HMBOX1: variants seen among roughly 807,000 people sequenced by gnomAD.
HMBOX1 encodes the protein homeobox containing 1.
In HMBOX1, 14 loss-of-function variants were observed where a neutral mutation model predicts 54.5. That is an observed-to-expected ratio of 0.26 (90% CI 0.17 to 0.40). The LOEUF is 0.40. Ranked by LOEUF, HMBOX1 falls within the 10% of genes least tolerant of loss-of-function variation. HMBOX1 has a pLI of 1.00. For synonymous variants in HMBOX1, 160 were observed against 181.0 expected (o/e 0.88, Z 0.93); for missense variants, 332 against 514.4 (o/e 0.65, Z 3.43).
Position 29,051,256 on chromosome 8 carries a change from T to G in HMBOX1, c.*101T>G. On this transcript the variant is annotated 3_prime_UTR_variant, in exon 10 of 10. Transcript: ENST00000287701. ...GTGTTCTTACAGTATAACTTGCAGT[T>G]TCTTGTATGTCAGGTAGCTGTTAGG... 1 of 1,307,764 alleles carries G rather than the reference T, an allele frequency of 7.6e-7. No homozygotes were observed. Among genetic ancestry groups the G allele is most frequent in the Non-Finnish European group, 1.1e-6 (1 of 938,242 alleles). The allele number at this position is 1,307,764 out of a possible 1,614,324, so 81.0% of individuals were successfully genotyped here.
In HMBOX1 at chr8:29,048,910, A is replaced by G. The variant is rs1439154194; in HGVS notation, c.1031-44A>G. ...TTCATTCAGTGTTTCAGCCATTGTG[A>G]TAAGGTAACAGATAATTTAGGGATC... On this transcript the variant is annotated intron_variant, in intron 8 of 9. Coordinates refer to ENST00000287701, the MANE Select transcript of HMBOX1 (RefSeq NM_001135726.3). 3.8e-6 allele frequency: 5 copies of G among 1,310,860 alleles called. No individual in the cohort carries two copies. The East Asian group carries it at 1.2e-4, about 31-fold the overall frequency. The allele number at this position is 1,310,860 out of a possible 1,614,324, so 81.2% of individuals were successfully genotyped here. A position where few individuals can be genotyped will look rare whatever the true frequency, so the allele number is the denominator to read the frequency against.
rs565628718 is a variant in HMBOX1, at chr8:28,926,535, T to C, written c.-58+35857T>C. 2.0e-5 allele frequency among the ~76,000 whole-genome samples: 3 copies of C among 152,304 alleles called. No individual in the cohort carries two copies. The South Asian group carries it at 6.2e-4, about 32-fold the overall frequency. The stretch of plus-strand genomic sequence containing the variant: ...ATCTGTAATTGACTGGAGTAAACTT[T>C]ATAAAGTAGAGCTTTTTAAATTTTT... On this transcript the variant is annotated intron_variant, in intron 1 of 9. Coordinates refer to ENST00000287701, the MANE Select transcript of HMBOX1 (RefSeq NM_001135726.3).
chr8:28,967,740 C>G (rs188985193), intron 2 of HMBOX1, among the ~76,000 whole-genome samples: 225 of 152,096 alleles, frequency 1.5e-3, no homozygotes, highest in African/African-American at 5.2e-3. Context: ...TTTTTCATTA[C>G]AAAATATTGT....
chr8:28,945,898 C>T (rs1014751803), intron 1 of HMBOX1, among the ~76,000 whole-genome samples: 1 of 148,878 alleles, frequency 6.7e-6, no homozygotes, highest in African/African-American at 2.5e-5. Context: ...AAGAATTTTA[C>T]TATATTCACA....
At chr8:29,043,021 G>T (rs557546799) in intron 6 of HMBOX1, among the ~76,000 whole-genome samples, 1 of 152,320 alleles carries the variant, frequency 6.6e-6, no homozygotes, top group South Asian at 2.1e-4. Flanking sequence ...AAGATAAAGT[G>T]TTGTCTTTCT....
intron 4 of HMBOX1, among the ~76,000 whole-genome samples, chr8:28,997,219 G>A (rs536056172): frequency 5.9e-5 from 9 of 152,228 alleles, no homozygotes; most frequent in South Asian, 2.1e-4. Flanking sequence ...TCCCCGTTAC[G>A]TATGATGTCA....
At chr8:28,973,730 T>C (rs1004867333) in intron 3 of HMBOX1, among the ~76,000 whole-genome samples, 1 of 151,120 alleles carries the variant, frequency 6.6e-6, no homozygotes, top group East Asian at 2.0e-4. Context: ...ATACACAAGA[T>C]GTAGTTTTAA....
At chr8:29,012,879 T>A (rs1294431881) in intron 5 of HMBOX1, among the ~76,000 whole-genome samples, 1 of 152,194 alleles carries the variant, frequency 6.6e-6, no homozygotes, top group Non-Finnish European at 1.5e-5. Flanking sequence ...TCAGTGATTT[T>A]TATCAAGTAA....
At chr8:28,911,396 C>G (rs1212670648) in intron 1 of HMBOX1, among the ~76,000 whole-genome samples, 1 of 152,088 alleles carries the variant, frequency 6.6e-6, no homozygotes, top group African/African-American at 2.4e-5. Context: ...CCCTCTATTG[C>G]CTAGGCTGGA....
intron 1 of HMBOX1, among the ~76,000 whole-genome samples, chr8:28,942,556 T>C: frequency 6.6e-6 from 1 of 152,194 alleles, no homozygotes; most frequent in East Asian, 1.9e-4. Context: ...ATTTCATGCA[T>C]GTGTAAAAAC....
intron 4 of HMBOX1, among the ~76,000 whole-genome samples, chr8:29,003,244 T>G (rs1212219756): frequency 1.3e-5 from 2 of 151,964 alleles, no homozygotes; most frequent in African/African-American, 2.4e-5. Flanking sequence ...TATTTATTTG[T>G]CTGCAGAAGG....
At chr8:29,018,649 T>C in intron 5 of HMBOX1, 111 bp from the exon 6 acceptor site, 1 of 1,062,848 alleles carries the variant, frequency 9.4e-7, no homozygotes, top group Non-Finnish European at 1.3e-6. Context: ...ATACATTGAT[T>C]AAGTTGTCAC....
intron 4 of HMBOX1, among the ~76,000 whole-genome samples, chr8:28,990,949 C>T (rs528226294): frequency 5.3e-5 from 8 of 152,212 alleles, no homozygotes; most frequent in South Asian, 2.1e-4. Flanking sequence ...CTGCTGTGCC[C>T]GGCTCTTTCT....
chr8:29,029,719 C>T (rs778307470), intron 6 of HMBOX1, among the ~76,000 whole-genome samples: 3 of 152,128 alleles, frequency 2.0e-5, no homozygotes, highest in Non-Finnish European at 4.4e-5. Context: ...TTACGGGAAC[C>T]GTAAAATATG....
At chr8:29,047,322 T>C in intron 7 of HMBOX1, 36 bp from the exon 8 acceptor site, 1 of 1,192,222 alleles carries the variant, frequency 8.4e-7, no homozygotes, top group African/African-American at 1.5e-5. Context: ...GGATCCCAGA[T>C]ATAGATTATC....
chr8:28,963,947 A>G (rs1826027292), intron 2 of HMBOX1, 57 bp downstream of exon 2: 1 of 1,313,170 alleles, frequency 7.6e-7, no homozygotes, highest in East Asian at 2.3e-5. Context: ...TAAAGTTAAG[A>G]TGTCACTATG....
chr8:28,958,974 AC>A (rs977627034), intron 1 of HMBOX1, among the ~76,000 whole-genome samples: 1 of 151,378 alleles, frequency 6.6e-6, no homozygotes, highest in Non-Finnish European at 1.5e-5. Flanking sequence ...TATACAATGG[AC>A]CCCCCTTATC....
At chr8:28,902,608 A>T (rs1172331848) in intron 1 of HMBOX1, among the ~76,000 whole-genome samples, 1 of 152,298 alleles carries the variant, frequency 6.6e-6, no homozygotes, top group East Asian at 1.9e-4. Context: ...TCTCTTCAGT[A>T]TGGTGGCTTC....
chr8:28,962,869 A>G (rs182567939), intron 1 of HMBOX1, among the ~76,000 whole-genome samples: 1 of 151,662 alleles, frequency 6.6e-6, no homozygotes, highest in Non-Finnish European at 1.5e-5. Context: ...CCTAGTCTCT[A>G]TTCTCCCCAC....
Sources: gnomAD v4.1 joint callset for allele counts (sites outside exome capture counted in the v4.1 genomes callset) on GRCh38, gnomAD v4.1.1 for gene constraint, MANE v1.5 for transcripts, NCBI Gene and HGNC (gene_info 2026-07-23, HGNC 2026-07-21) for gene names.